GLCE: variants seen among roughly 807,000 people sequenced by gnomAD.
The protein encoded by GLCE is glucuronic acid epimerase.
Under a neutral mutation model 47.9 loss-of-function variants are expected in GLCE, and 19 were observed. The ratio of observed to expected loss-of-function variants is 0.40; its 90% confidence interval spans 0.28 to 0.58. The LOEUF (loss-of-function observed/expected upper bound fraction) is 0.58, where lower values mean the gene tolerates loss of function less well. GLCE is among the 20% of genes least tolerant of loss of function. The pLI, the probability that GLCE is intolerant of heterozygous loss-of-function variation, is 0.48. For synonymous variants in GLCE, 245 were observed against 263.4 expected, an observed-to-expected ratio of 0.93 and a Z score of 0.68; for missense variants, 556 against 743.3, an observed-to-expected ratio of 0.75 and a Z score of 2.93.
At chr15:69,199,265 A>C (rs978959624) in intron 1 of GLCE, among the ~76,000 whole-genome samples, 1 of 152,202 alleles carries the variant, frequency 6.6e-6, no homozygotes, top group Non-Finnish European at 1.5e-5. Context: ...GAATACATGC[A>C]GTATATTTTA....
intron 1 of GLCE, among the ~76,000 whole-genome samples, chr15:69,198,256 A>G (rs890432969): frequency 6.6e-6 from 1 of 152,138 alleles, no homozygotes; most frequent in Non-Finnish European, 1.5e-5. Flanking sequence ...TTACTCAACT[A>G]TTGGTTCTTT....
intron 2 of GLCE, among the ~76,000 whole-genome samples, chr15:69,222,031 G>A (rs772105521): frequency 3.3e-5 from 5 of 152,130 alleles, no homozygotes; most frequent in Non-Finnish European, 7.4e-5. Context: ...GAGTTTGCCT[G>A]TGGCACAAGT....
At chr15:69,173,771 T>C (rs765823283) in intron 1 of GLCE, among the ~76,000 whole-genome samples, 15 of 152,258 alleles carry the variant, frequency 9.9e-5, no homozygotes, top group Non-Finnish European at 1.8e-4. Context: ...ATAATACTTA[T>C]GGCTTCATAC....
rs1323746806 is a variant in GLCE at position 69,271,621 on chromosome 15, C to CT, written c.*2380dup. The CT allele has an allele frequency of 2.0e-5, 3 of 152,430 alleles. No homozygotes were observed. The highest frequency in any genetic ancestry group is 7.2e-5 in the African/African-American group (3 of 41,412). The allele number at this position is 152,430 out of a possible 1,614,324, so 9.4% of individuals were successfully genotyped here. ...ATTTTTAAATTTTATTGTTTTATTT[C>CT]TTTAAGTTTTTCTTTGCTTTAAGAT... On this transcript the variant is annotated 3_prime_UTR_variant, in exon 5 of 5. Coordinates refer to ENST00000261858, the MANE Select transcript of GLCE (RefSeq NM_015554.3).
chr15:69,243,198 G>A (rs189990928), intron 2 of GLCE, among the ~76,000 whole-genome samples: 23 of 152,240 alleles, frequency 1.5e-4, no homozygotes, highest in East Asian at 1.4e-3. Context: ...AGGAGGCCCA[G>A]TAGGCTTAGA....
chr15:69,200,207 A>T (rs547005972), intron 1 of GLCE, among the ~76,000 whole-genome samples: 1 of 152,258 alleles, frequency 6.6e-6, no homozygotes, highest in South Asian at 2.1e-4. Context: ...TTAACTAGAT[A>T]AAATTCTAAT....
chr15:69,256,417 C>A (rs1395587502), intron 3 of GLCE, 25 bp downstream of exon 3: 1 of 1,453,434 alleles, frequency 6.9e-7, no homozygotes, highest in East Asian at 2.3e-5. Flanking sequence ...GCTTCACTTG[C>A]ATTTTTCAAG....
At chr15:69,209,675 C>T (rs956036029) in intron 1 of GLCE, among the ~76,000 whole-genome samples, 4 of 152,098 alleles carry the variant, frequency 2.6e-5, no homozygotes, top group Non-Finnish European at 4.4e-5. Flanking sequence ...TCCCATGTTC[C>T]TTGTCTGTGA....
At chr15:69,214,533 C>G (rs2052278094) in intron 2 of GLCE, among the ~76,000 whole-genome samples, 1 of 152,142 alleles carries the variant, frequency 6.6e-6, no homozygotes, top group Non-Finnish European at 1.5e-5. Context: ...AACTGTGAGT[C>G]AATTAAACCT....
intron 2 of GLCE, among the ~76,000 whole-genome samples, chr15:69,254,871 T>G (rs2052899362): frequency 6.6e-6 from 1 of 152,010 alleles, no homozygotes; most frequent in South Asian, 2.1e-4. Flanking sequence ...TTGGGTGAGA[T>G]CAAAGTGAAT....
intron 1 of GLCE, among the ~76,000 whole-genome samples, chr15:69,176,547 C>T (rs2051668092): frequency 6.6e-6 from 1 of 151,822 alleles, no homozygotes; most frequent in Admixed American, 6.6e-5. Context: ...TTTTTTTCCT[C>T]AAACATCTAT....
intron 1 of GLCE, among the ~76,000 whole-genome samples, chr15:69,203,070 T>C (rs1390927847): frequency 1.3e-5 from 2 of 152,124 alleles, no homozygotes; most frequent in Non-Finnish European, 2.9e-5. Context: ...TTTATAGAGA[T>C]AGGTGGTTCA....
intron 2 of GLCE, among the ~76,000 whole-genome samples, chr15:69,213,365 C>T (rs1478025423): frequency 6.6e-6 from 1 of 152,058 alleles, no homozygotes; most frequent in African/African-American, 2.4e-5. Context: ...CTTAGTCTTT[C>T]CGTGTCTCTC....
intron 2 of GLCE, among the ~76,000 whole-genome samples, chr15:69,212,117 A>G (rs1187903043): frequency 6.6e-6 from 1 of 151,496 alleles, no homozygotes; most frequent in Non-Finnish European, 1.5e-5. Context: ...TGATAGCTTT[A>G]ATATGTTAAT....
intron 1 of GLCE, among the ~76,000 whole-genome samples, chr15:69,208,147 TG>T (rs2052176975): frequency 6.6e-6 from 1 of 152,010 alleles, no homozygotes; most frequent in African/African-American, 2.4e-5. Context: ...TTAATTTTGT[TG>T]AAGTCCAATT....
At chr15:69,251,554 A>G (rs1296500684) in intron 2 of GLCE, among the ~76,000 whole-genome samples, 1 of 152,120 alleles carries the variant, frequency 6.6e-6, no homozygotes, top group Non-Finnish European at 1.5e-5. Context: ...TTATTATTAG[A>G]TAGGCTTTTG....
chr15:69,196,799 A>G (rs1474616570), intron 1 of GLCE: 1 of 164,930 alleles, frequency 6.1e-6, no homozygotes, highest in Non-Finnish European at 1.3e-5. Flanking sequence ...AATAAAAACA[A>G]TCGTCATTTT....
At position 69,221,431 on chromosome 15, in the gene GLCE, T is replaced by C. The variant is rs1266115776; in HGVS notation, c.-14+11025T>C. Among the ~76,000 whole-genome samples the C allele has an allele frequency of 3.3e-5, 5 of 152,238 alleles. No homozygotes were observed. The East Asian group carries it at 9.6e-4, about 29-fold the overall frequency. On this transcript the variant is annotated intron_variant, in intron 2 of 4. Coordinates refer to ENST00000261858, the MANE Select transcript of GLCE (RefSeq NM_015554.3). ...TTTAATTTTGTTCAGCAGTGTTTTGTAATTTTCATTTTACATGTCTTTCAC... is the reference window on the plus strand; with the variant it reads ...TTTAATTTTGTTCAGCAGTGTTTTGCAATTTTCATTTTACATGTCTTTCAC...
chr15:69,261,307 T>A lies in GLCE; in HGVS notation c.807T>A (p.Asn269Lys). 1 of 1,613,882 alleles carries A rather than the reference T, an allele frequency of 6.2e-7. No individual in the cohort carries two copies. The highest frequency in any genetic ancestry group is 2.2e-5 in the East Asian group (1 of 44,876). Residue 269 changes from asparagine (N) to lysine (K), a missense_variant, in exon 4 of 5, where the codon AAT becomes AAA. Around this residue, in one of 3 missense-constraint regions of GLCE, gnomAD observed 74 missense variants for 64.4 expected, o/e 1.15. Coordinates refer to ENST00000261858, the MANE Select transcript of GLCE (RefSeq NM_015554.3). ...TGGCTGATAAGTCTAGATTCACCAA[T>A]GTCAAACAGTTTATTGCACCAGGTA... ...ANVADKSRFT[N>K]VKQFIAPETS...
Sources: gnomAD v4.1 joint callset for allele counts (sites outside exome capture counted in the v4.1 genomes callset) on GRCh38, gnomAD v4.1.1 for gene constraint, gnomAD v4.1.1 regional missense constraint, MANE v1.5 for transcripts, NCBI Gene and HGNC (gene_info 2026-07-23, HGNC 2026-07-21) for gene names.